Variants in ST8SIA6 observed in about 807,000 individuals in gnomAD.
The protein encoded by ST8SIA6 is alpha-2,8-sialyltransferase 8F.
A neutral mutation model predicts 33.6 loss-of-function variants in ST8SIA6; 39 were observed. That is an observed-to-expected ratio of 1.16 (90% CI 0.90 to 1.52). ST8SIA6 has a LOEUF of 1.52. ST8SIA6 is among the 40% of genes most tolerant of loss of function. The pLI is 0.00. For synonymous variants in ST8SIA6, 172 were observed against 167.2 expected, an observed-to-expected ratio of 1.03 and a Z score of -0.22; for missense variants, 441 against 443.8, an observed-to-expected ratio of 0.99 and a Z score of 0.06.
chr10:17,429,563 A>T (rs1852038299), intron 2 of ST8SIA6, among the ~76,000 whole-genome samples: 1 of 148,454 alleles, frequency 6.7e-6, no homozygotes. Flanking sequence ...GAAATCTTCA[A>T]CTCCCACCTC....
intron 2 of ST8SIA6, among the ~76,000 whole-genome samples, chr10:17,391,904 A>G (rs1850627734): frequency 6.6e-6 from 1 of 152,206 alleles, no homozygotes; most frequent in Middle Eastern, 3.2e-3. Flanking sequence ...TATATATGCT[A>G]AGGAAACAAT....
intron 2 of ST8SIA6, among the ~76,000 whole-genome samples, chr10:17,420,215 C>A (rs1008845802): frequency 3.3e-5 from 5 of 152,120 alleles, no homozygotes; most frequent in Admixed American, 6.5e-5. Context: ...AGATCGAGAC[C>A]ATCCTGGCTA....
intron 4 of ST8SIA6, among the ~76,000 whole-genome samples, chr10:17,332,273 T>C (rs540548099): frequency 9.8e-5 from 15 of 152,348 alleles, no homozygotes; most frequent in Admixed American, 7.2e-4. Flanking sequence ...TGTGCCTTTA[T>C]AGTAAAATGA....
At chr10:17,426,374 G>A (rs1262948117) in intron 2 of ST8SIA6, among the ~76,000 whole-genome samples, 4 of 152,158 alleles carry the variant, frequency 2.6e-5, no homozygotes, top group Admixed American at 2.0e-4. Context: ...GTCATAAAAT[G>A]CATGCTATCT....
chr10:17,374,752 A>AATAAAATAT (rs1849849725), intron 3 of ST8SIA6, among the ~76,000 whole-genome samples: 1 of 123,308 alleles, frequency 8.1e-6, no homozygotes, highest in African/African-American at 3.1e-5. Flanking sequence ...ATAAATAATA[A>AATAAAATAT]ATATATATAT....
chr10:17,378,631 C>G (rs1445624245), intron 3 of ST8SIA6, among the ~76,000 whole-genome samples: 1 of 152,130 alleles, frequency 6.6e-6, no homozygotes. Context: ...AAACAACAAA[C>G]AAAACAACAA....
rs1261925980 is a variant in ST8SIA6, at chr10:17,356,111, A to G, written c.377+3403T>C. Reference sequence around the variant, plus strand: ...TATTTCTTGTCTTTCTAAAGTGACTATAAATTCTTTGAGTTCAGTAAGAAA... The same window carrying G: ...TATTTCTTGTCTTTCTAAAGTGACTGTAAATTCTTTGAGTTCAGTAAGAAA... On this transcript the variant is annotated intron_variant, in intron 4 of 7. Coordinates refer to ENST00000377602, the MANE Select transcript of ST8SIA6 (RefSeq NM_001004470.3). 4.6e-5 allele frequency among the ~76,000 whole-genome samples: 7 copies of G among 152,210 alleles called. No individual in the cohort carries two copies. The East Asian group carries it at 9.6e-4, about 21-fold the overall frequency.
At chr10:17,359,843 G>A (rs1235786206) in intron 3 of ST8SIA6, among the ~76,000 whole-genome samples, 3 of 152,040 alleles carry the variant, frequency 2.0e-5, no homozygotes, top group Non-Finnish European at 4.4e-5. Context: ...ATTAAAAACC[G>A]TGACAACACA....
intron 4 of ST8SIA6, among the ~76,000 whole-genome samples, chr10:17,331,854 T>C (rs889729457): frequency 6.6e-6 from 1 of 152,198 alleles, no homozygotes; most frequent in Admixed American, 6.5e-5. Flanking sequence ...CATAGGTACA[T>C]GTGTGCCATG....
chr10:17,320,943 G>C lies in ST8SIA6; in HGVS notation c.1132C>G (p.Gln378Glu). ...CCTTTCATGTGAAGTTGGAGGATCT[G>C]GCTGTATTCTTTGGGCATCTGATGG... ...GFHQMPKEYS[Q>E]ILQLHMKGIL... The change falls in exon 8 of 8, where the codon CAG (glutamine) becomes GAG (glutamate). Residue 378 changes from glutamine (Q) to glutamate (E), a missense_variant. Transcript: ENST00000377602. 1 of 1,614,066 alleles carries C rather than the reference G, an allele frequency of 6.2e-7. No individual in the cohort carries two copies. The highest frequency in any genetic ancestry group is 8.5e-7 in the Non-Finnish European group (1 of 1,179,948).
intron 2 of ST8SIA6, among the ~76,000 whole-genome samples, chr10:17,443,679 A>G (rs1441411248): frequency 6.6e-6 from 1 of 152,222 alleles, no homozygotes; most frequent in African/African-American, 2.4e-5. Context: ...AATTTGTTTA[A>G]ATCTGAGGAC....
chr10:17,348,108 A>G (rs981170634), intron 4 of ST8SIA6, among the ~76,000 whole-genome samples: 1 of 151,878 alleles, frequency 6.6e-6, no homozygotes, highest in Non-Finnish European at 1.5e-5. Flanking sequence ...GGTCACTGCT[A>G]TTATTGTTCA....
intron 4 of ST8SIA6, among the ~76,000 whole-genome samples, chr10:17,339,955 G>A (rs148886102): frequency 1.3e-3 from 200 of 152,266 alleles, no homozygotes; most frequent in African/African-American, 4.3e-3. Flanking sequence ...TATAGTGTTT[G>A]TGATCCTGTA....
intron 2 of ST8SIA6, among the ~76,000 whole-genome samples, chr10:17,433,843 CT>C (rs1852172958): frequency 1.3e-5 from 2 of 152,158 alleles, no homozygotes; most frequent in African/African-American, 4.8e-5. Context: ...TCTAGCCCCC[CT>C]ATCTACTTTT....
intron 4 of ST8SIA6, among the ~76,000 whole-genome samples, chr10:17,347,681 C>T (rs1421249796): frequency 6.6e-6 from 1 of 152,072 alleles, no homozygotes. Context: ...GGTCTAATTG[C>T]AAGAGTGTCC....
At chr10:17,399,573 T>C (rs1850959117) in intron 2 of ST8SIA6, among the ~76,000 whole-genome samples, 2 of 152,274 alleles carry the variant, frequency 1.3e-5, no homozygotes, top group South Asian at 4.1e-4. Context: ...TCTGAGTCAG[T>C]TACCATAATG....
In ST8SIA6 at chr10:17,408,585, G is replaced by A. The variant is rs539560701; in HGVS notation, c.201-17965C>T. ...TGAGAGAGGAGAATCGCTTGAACCC[G>A]GGAGGTGGAGGTTGCAGTGAGCCGC... On this transcript the variant is annotated intron_variant, in intron 2 of 7. Coordinates refer to ENST00000377602, the MANE Select transcript of ST8SIA6 (RefSeq NM_001004470.3). Among the ~76,000 whole-genome samples, 32 of 151,788 alleles carry A rather than the reference G, an allele frequency of 2.1e-4. No homozygotes were observed. The South Asian group carries it at 4.8e-3, about 23-fold the overall frequency.
At position 17,346,059 on chromosome 10, in the gene ST8SIA6, A is replaced by G. The variant is rs1462399121; in HGVS notation, c.377+13455T>C. On this transcript the variant is annotated intron_variant, in intron 4 of 7. Transcript: ENST00000377602. ...TGTGGCTTCTGCCTGGATCTCTTGG[A>G]ACGTTCATTCTCTGGACACTTCCCC... Among the ~76,000 whole-genome samples, 3 of 152,190 alleles carry G rather than the reference A, an allele frequency of 2.0e-5. No homozygotes were observed. The East Asian group carries it at 5.8e-4, about 29-fold the overall frequency.
At chr10:17,345,328 A>G (rs7100628) in intron 4 of ST8SIA6, among the ~76,000 whole-genome samples, 30,133 of 152,188 alleles carry the variant, frequency 0.2, 3,171 homozygotes, top group African/African-American at 0.26. Context: ...AAAGCAAAGT[A>G]CAAGCAAGTT....
Sources: allele counts gnomAD v4.1 joint callset (sites outside exome capture counted in the v4.1 genomes callset), GRCh38; gene constraint gnomAD v4.1.1; transcripts MANE v1.5; gene names NCBI Gene and HGNC (gene_info 2026-07-23, HGNC 2026-07-21).